Variants in SRBD1 observed in about 807,000 individuals in gnomAD.
SRBD1 encodes the protein S1 RNA-binding domain-containing protein 1.
SRBD1 carries 88 observed loss-of-function variants against 115.3 expected under a neutral mutation model. The observed-to-expected ratio is 0.76, with a 90% CI of 0.64 to 0.91. The LOEUF (loss-of-function observed/expected upper bound fraction) is 0.91, where lower values mean the gene tolerates loss of function less well. SRBD1 is among the 40% of genes least tolerant of loss of function. The pLI, the probability that SRBD1 is intolerant of heterozygous loss-of-function variation, is 0.00. For synonymous variants in SRBD1, 509 were observed against 407.7 expected (o/e 1.25, Z -2.99); for missense variants, 1,385 against 1,177.4 (o/e 1.18, Z -2.58).
intron 14 of SRBD1, chr2:45,546,273 T>C (rs1029430135): frequency 2.0e-6 from 2 of 985,254 alleles, no homozygotes; most frequent in African/African-American, 3.5e-5. Flanking sequence ...AAGGGATAAA[T>C]GAGGAAAGAA....
At chr2:45,586,564 G>A (rs1281459681) in intron 4 of SRBD1, among the ~76,000 whole-genome samples, 1 of 151,072 alleles carries the variant, frequency 6.6e-6, no homozygotes, top group Non-Finnish European at 1.5e-5. Context: ...TTATTTTTTT[G>A]AGACAGTGTC....
chr2:45,593,276 G>A (rs1673781534), intron 4 of SRBD1, among the ~76,000 whole-genome samples: 1 of 152,050 alleles, frequency 6.6e-6, no homozygotes, highest in Non-Finnish European at 1.5e-5. Flanking sequence ...CAAAAACTGA[G>A]GGCCGAAAAA....
chr2:45,412,064 C>T (rs1667619575), intron 19 of SRBD1, among the ~76,000 whole-genome samples: 1 of 152,098 alleles, frequency 6.6e-6, no homozygotes, highest in South Asian at 2.1e-4. Context: ...CGAGATCACA[C>T]CACTGCACTC....
At chr2:45,595,295 AT>A (rs1673860151) in intron 4 of SRBD1, among the ~76,000 whole-genome samples, 1 of 152,256 alleles carries the variant, frequency 6.6e-6, no homozygotes, top group Non-Finnish European at 1.5e-5. Context: ...CCAAGTTATC[AT>A]TGTGGCCAAG....
intron 4 of SRBD1, among the ~76,000 whole-genome samples, chr2:45,585,999 ATCAT>A (rs1189887002): frequency 6.6e-6 from 1 of 152,210 alleles, no homozygotes; most frequent in Non-Finnish European, 1.5e-5. Flanking sequence ...AAACCACTGT[ATCAT>A]TCAAATTCCA....
intron 10 of SRBD1, among the ~76,000 whole-genome samples, 199 bp from the exon 11 acceptor site, chr2:45,553,929 G>C (rs578247594): frequency 6.6e-6 from 1 of 152,116 alleles, no homozygotes; most frequent in Admixed American, 6.6e-5. Context: ...AAAAATCCTA[G>C]TAACTATCTA....
intron 15 of SRBD1, among the ~76,000 whole-genome samples, chr2:45,484,902 G>A (rs1050858739): frequency 6.6e-6 from 1 of 152,186 alleles, no homozygotes; most frequent in Non-Finnish European, 1.5e-5. Context: ...TTCATATGGT[G>A]TTGTAGCATG....
chr2:45,436,265 G>A (rs762985364), intron 16 of SRBD1, among the ~76,000 whole-genome samples: 1 of 152,046 alleles, frequency 6.6e-6, no homozygotes, highest in African/African-American at 2.4e-5. Flanking sequence ...CATCCTCAAG[G>A]TGATTAAAAA....
At chr2:45,454,789 T>C (rs1261326084) in intron 16 of SRBD1, among the ~76,000 whole-genome samples, 1 of 151,874 alleles carries the variant, frequency 6.6e-6, no homozygotes, top group Non-Finnish European at 1.5e-5. Flanking sequence ...TTATGAACAT[T>C]GTTATATCTT....
rs147200764 is a variant in SRBD1, at chr2:45,567,532, C to A, written c.1306-4776G>T. ...GCTGAAGTGGGAGAATGCCTTCAGC[C>A]CGCAAGGCGAAACTTGCAGTGAGGT... is the stretch of plus-strand genomic sequence containing the variant. On this transcript the variant is annotated intron_variant, in intron 9 of 20. Coordinates refer to ENST00000263736, the MANE Select transcript of SRBD1 (RefSeq NM_018079.5). 1.4e-3 allele frequency among the ~76,000 whole-genome samples: 206 copies of A among 152,088 alleles called. 1 individual carries two copies. The highest frequency in any genetic ancestry group is 3.7e-3 in the East Asian group (19 of 5,172).
chr2:45,601,987 G>C lies in SRBD1; in HGVS notation c.177C>G (p.Ser59=). ...TCACCCGAGGCATCCTCTTTGGTTT[G>C]GATTCCTTGGGAGGGGGCTGTTTAC... is the stretch of plus-strand genomic sequence containing the variant. ...RSRKQPPPKE[S]KPKRMPRVKK... The change falls in exon 3 of 21, where the codon TCC becomes TCG. Residue 59 remains serine (S), a synonymous_variant. Coordinates refer to ENST00000263736, the MANE Select transcript of SRBD1 (RefSeq NM_018079.5). 6.2e-7 allele frequency: 1 copy of C among 1,614,184 alleles called. No homozygotes were observed. The highest frequency in any genetic ancestry group is 8.5e-7 in the Non-Finnish European group (1 of 1,180,024).
intron 4 of SRBD1, among the ~76,000 whole-genome samples, chr2:45,595,474 G>C (rs1487563679): frequency 6.6e-6 from 1 of 152,128 alleles, no homozygotes; most frequent in African/African-American, 2.4e-5. Context: ...TTTTGTGGCA[G>C]ATAATATGCA....
chr2:45,535,172 G>C (rs896817222), intron 14 of SRBD1, among the ~76,000 whole-genome samples: 5 of 151,942 alleles, frequency 3.3e-5, no homozygotes, highest in Non-Finnish European at 5.9e-5. Context: ...TGGCACACTA[G>C]AGACCTCAAA....
chr2:45,401,006 T>C (rs184364558), intron 19 of SRBD1, among the ~76,000 whole-genome samples: 3 of 152,168 alleles, frequency 2.0e-5, no homozygotes, highest in African/African-American at 4.8e-5. Context: ...GTGTAAGACA[T>C]TGGATATGAC....
chr2:45,522,354 T>C (rs1489796110), intron 14 of SRBD1, among the ~76,000 whole-genome samples: 2 of 152,132 alleles, frequency 1.3e-5, no homozygotes, highest in Admixed American at 6.6e-5. Context: ...AATTTTTTTA[T>C]TTTTAGTAGA....
intron 16 of SRBD1, among the ~76,000 whole-genome samples, chr2:45,433,953 C>A (rs1193070494): frequency 6.6e-6 from 1 of 152,154 alleles, no homozygotes; most frequent in African/African-American, 2.4e-5. Flanking sequence ...CAAAGGGCAT[C>A]AGCACTGGAA....
At chr2:45,396,971 A>C (rs1268062865) in intron 19 of SRBD1, among the ~76,000 whole-genome samples, 1 of 152,162 alleles carries the variant, frequency 6.6e-6, no homozygotes, top group East Asian at 1.9e-4. Context: ...ACCATGCTAT[A>C]AGGGCAAAGT....
At chr2:45,414,664 A>G (rs1176396386) in intron 18 of SRBD1, among the ~76,000 whole-genome samples, 1 of 150,900 alleles carries the variant, frequency 6.6e-6, no homozygotes, top group East Asian at 1.9e-4. Context: ...ACATACACAC[A>G]TAGTGTATAT....
chr2:45,531,761 A>C (rs891901876), intron 14 of SRBD1, among the ~76,000 whole-genome samples: 1 of 151,814 alleles, frequency 6.6e-6, no homozygotes, highest in Non-Finnish European at 1.5e-5. Context: ...AGGAAAATAA[A>C]TATTCCGTAA....
Sources: allele counts gnomAD v4.1 joint callset (sites outside exome capture counted in the v4.1 genomes callset), GRCh38; gene constraint gnomAD v4.1.1; transcripts MANE v1.5; gene names NCBI Gene and HGNC (gene_info 2026-07-23, HGNC 2026-07-21).